SOX13: variants seen among roughly 807,000 people sequenced by gnomAD.
SOX13 encodes SRY-box transcription factor 13.
Under a neutral mutation model 71.8 loss-of-function variants are expected in SOX13, and 28 were observed. The ratio of observed to expected loss-of-function variants is 0.39; its 90% CI spans 0.29 to 0.53. The LOEUF is 0.53. SOX13 is among the 20% of genes least tolerant of loss of function. SOX13 has a pLI of 0.70. For missense variants in SOX13, 627 were observed against 810.3 expected (o/e 0.77, Z 2.75); for synonymous variants, 309 against 317.8 (o/e 0.97, Z 0.29).
intron 9 of SOX13, 32 bp downstream of exon 9, chr1:204,122,431 A>AG: frequency 6.4e-7 from 1 of 1,552,160 alleles, no homozygotes; most frequent in African/African-American, 1.4e-5. Context: ...CTTGTCCCTC[A>AG]GCCCTCTTAG....
chr1:204,126,255 G>T lies in SOX13; in HGVS notation c.*121G>T. Reference sequence around the variant, plus strand: ...GGACTTGTTCGTGCCCCAGAGATGGGCAAAGCTGTGCACTTGCAGATACAT... The same window carrying T: ...GGACTTGTTCGTGCCCCAGAGATGGTCAAAGCTGTGCACTTGCAGATACAT... On this transcript the variant is annotated 3_prime_UTR_variant, in exon 14 of 14. Transcript: ENST00000367204. 9.6e-7 allele frequency: 1 copy of T among 1,044,568 alleles called. No individual in the cohort carries two copies. The highest frequency in any genetic ancestry group is 1.4e-6 in the Non-Finnish European group (1 of 714,868). 64.7% of individuals were successfully genotyped at this position (1,044,568 alleles called of 1,614,324 possible).
At chr1:204,116,402 C>T in intron 4 of SOX13, 105 bp from the exon 5 acceptor site, 2 of 1,603,990 alleles carry the variant, frequency 1.2e-6, no homozygotes, top group East Asian at 4.5e-5. Context: ...GGTCCTGGGA[C>T]ATAGCAATTG....
chr1:204,108,040 G>A (rs1280210423), intron 1 of SOX13, among the ~76,000 whole-genome samples: 3 of 152,190 alleles, frequency 2.0e-5, no homozygotes, highest in Non-Finnish European at 2.9e-5. Flanking sequence ...TGGAGGGACC[G>A]TGGAGGCTAA....
At chr1:204,125,687 G>C (rs1318912966) in intron 13 of SOX13, among the ~76,000 whole-genome samples, 171 bp from the exon 14 acceptor site, 2 of 152,230 alleles carry the variant, frequency 1.3e-5, no homozygotes, top group East Asian at 3.8e-4. Flanking sequence ...CTGCAGGGTC[G>C]TAGGTGCCAG....
In SOX13 at chr1:204,081,741, T is replaced by C. The variant is rs973424447; in HGVS notation, c.-2+8030T>C. Reference sequence around the variant, plus strand: ...TTTCTGTCTTAGCCCTCAGCCTGTGTGGGGTATGAGGTCCCCCACCCTCAT... The same window carrying C: ...TTTCTGTCTTAGCCCTCAGCCTGTGCGGGGTATGAGGTCCCCCACCCTCAT... On this transcript the variant is annotated intron_variant, in intron 1 of 13. Transcript: ENST00000367204. The surrounding 1 kb of genome is among the most constrained non-coding windows in gnomAD (Gnocchi z 4.3). Among the ~76,000 whole-genome samples the C allele has an allele frequency of 1.3e-5, 2 of 151,982 alleles. No individual in the cohort carries two copies. The highest frequency in any genetic ancestry group is 6.6e-5 in the Admixed American group (1 of 15,252).
intron 1 of SOX13, among the ~76,000 whole-genome samples, chr1:204,079,032 C>A (rs1206032956): frequency 6.6e-6 from 1 of 152,182 alleles, no homozygotes; most frequent in African/African-American, 2.4e-5. Flanking sequence ...GGCACGGTGG[C>A]TCACGCCTGT....
chr1:204,106,563 A>G (rs576492382), intron 1 of SOX13, among the ~76,000 whole-genome samples: 44 of 146,182 alleles, frequency 3.0e-4, no homozygotes, highest in Non-Finnish European at 3.4e-4. Context: ...GTTGTTGCCC[A>G]GGCTGGAGTG....
rs543545497 is a variant in SOX13, at chr1:204,122,038, G to A, written c.861+53G>A. On this transcript the variant is annotated intron_variant, in intron 8 of 13. Coordinates refer to ENST00000367204, the MANE Select transcript of SOX13 (RefSeq NM_005686.3). ...GCTCCCTCTCGAGCTTATGACGGCC[G>A]GCTGCCGTGTTAGGGAACTGCGGGG... The A allele has an allele frequency of 3.9e-5, 52 of 1,345,354 alleles. No homozygotes were observed. In the South Asian group the frequency reaches 4.3e-4, roughly 11 times the overall value. The allele number at this position is 1,345,354 out of a possible 1,614,324, so 83.3% of individuals were successfully genotyped here.
intron 1 of SOX13, among the ~76,000 whole-genome samples, chr1:204,075,422 C>G (rs192647071): frequency 1.1e-4 from 17 of 152,378 alleles, no homozygotes; most frequent in African/African-American, 4.1e-4. Flanking sequence ...CACTGTGCTT[C>G]ATTAGAAAGC....
At chr1:204,117,242 C>T in intron 6 of SOX13, 52 bp downstream of exon 6, 2 of 1,528,012 alleles carry the variant, frequency 1.3e-6, no homozygotes, top group Non-Finnish European at 1.8e-6. Flanking sequence ...AGGGAGTTGA[C>T]ACCGGCCTGG....
intron 13 of SOX13, among the ~76,000 whole-genome samples, chr1:204,125,649 C>T (rs1656904023): frequency 6.6e-6 from 1 of 152,244 alleles, no homozygotes; most frequent in African/African-American, 2.4e-5. Context: ...CTGTTGAACA[C>T]ATCTATGGCC....
chr1:204,094,090 A>C (rs1397388916), intron 1 of SOX13, among the ~76,000 whole-genome samples: 2 of 152,186 alleles, frequency 1.3e-5, no homozygotes, highest in African/African-American at 4.8e-5. Context: ...AATCCCTTAC[A>C]CATGTATGGG....
chr1:204,096,061 A>G (rs922155047), intron 1 of SOX13, among the ~76,000 whole-genome samples: 12 of 152,094 alleles, frequency 7.9e-5, no homozygotes, highest in African/African-American at 2.9e-4. Flanking sequence ...TTGTTGATTC[A>G]TTCATCCATT....
chr1:204,102,273 C>T lies in SOX13; in HGVS notation c.-1-10642C>T, dbSNP rs552750109. ...GCAGACTAGTTGCGCTTGTCCTTTC[C>T]GCTGTCTGTAGTCATCCCTATGGTC... is the stretch of plus-strand genomic sequence containing the variant. On this transcript the variant is annotated intron_variant, in intron 1 of 13. Transcript: ENST00000367204. 7.2e-5 allele frequency among the ~76,000 whole-genome samples: 11 copies of T among 152,300 alleles called. No individual in the cohort carries two copies. The South Asian group carries it at 2.1e-3, about 29-fold the overall frequency.
chr1:204,093,651 CTG>C (rs2102234383), intron 1 of SOX13, among the ~76,000 whole-genome samples: 1 of 152,312 alleles, frequency 6.6e-6, no homozygotes, highest in Non-Finnish European at 1.5e-5. Flanking sequence ...TTTGGAGTGT[CTG>C]TGGAAAGTAG....
In SOX13 at chr1:204,093,682, G is replaced by T. The variant is rs79309366; in HGVS notation, c.-1-19233G>T. Among the ~76,000 whole-genome samples, 4 of 152,328 alleles carry T rather than the reference G, an allele frequency of 2.6e-5. No individual in the cohort carries two copies. In the East Asian group the frequency reaches 7.7e-4, roughly 29 times the overall value. ...AAAGTAGCCTCTTCTCAAATATCTT[G>T]TGCTATGGTTTGGAACTTTGGAATC... is the stretch of plus-strand genomic sequence containing the variant. On this transcript the variant is annotated intron_variant, in intron 1 of 13. Coordinates refer to ENST00000367204, the MANE Select transcript of SOX13 (RefSeq NM_005686.3).
chr1:204,078,903 T>C (rs1655838223), intron 1 of SOX13, among the ~76,000 whole-genome samples: 1 of 152,212 alleles, frequency 6.6e-6, no homozygotes, highest in Non-Finnish European at 1.5e-5. Flanking sequence ...ATACTTTCTC[T>C]GAGGAGCAGA....
chr1:204,117,576 G>T lies in SOX13; in HGVS notation c.661-17G>T. The T allele has an allele frequency of 6.4e-7, 1 of 1,561,652 alleles. No individual in the cohort carries two copies. The highest frequency in any genetic ancestry group is 2.3e-5 in the East Asian group (1 of 44,112). On this transcript the variant is annotated splice_polypyrimidine_tract_variant and intron_variant, in intron 6 of 13. Coordinates refer to ENST00000367204, the MANE Select transcript of SOX13 (RefSeq NM_005686.3). ...TTTGGGTCCCTGGGGACTCACACAGGGTTTCTTTGCCTTCAGCAGGTTAAC... is the reference window on the plus strand; with the variant it reads ...TTTGGGTCCCTGGGGACTCACACAGTGTTTCTTTGCCTTCAGCAGGTTAAC...
chr1:204,125,777 T>G, intron 13 of SOX13, 81 bp from the exon 14 acceptor site: 3 of 1,466,402 alleles, frequency 2.0e-6, no homozygotes, highest in Non-Finnish European at 2.8e-6. Flanking sequence ...GAGTGCATGC[T>G]CTGAGGAGGC....
Sources: gnomAD v4.1 joint callset for allele counts (sites outside exome capture counted in the v4.1 genomes callset) on GRCh38, gnomAD v4.1.1 for gene constraint, Gnocchi (gnomAD v3.1) non-coding constraint, MANE v1.5 for transcripts, NCBI Gene and HGNC (gene_info 2026-07-23, HGNC 2026-07-21) for gene names.